CMSS1: variants seen among roughly 807,000 people sequenced by gnomAD.
CMSS1 encodes the protein protein CMSS1.
Under a neutral mutation model 43.5 loss-of-function variants are expected in CMSS1, and 33 were observed. The ratio of observed to expected loss-of-function variants is 0.76; its 90% CI spans 0.57 to 1.01. CMSS1 has a LOEUF of 1.01. Ranked by LOEUF, CMSS1 falls within the 50% of genes least tolerant of loss-of-function variation. CMSS1 has a pLI of 0.00. For missense variants in CMSS1, 313 were observed against 326.4 expected (o/e 0.96, Z 0.32); for synonymous variants, 115 against 117.2 (o/e 0.98, Z 0.12).
chr3:99,979,274 C>T (rs979631892), intron 1 of CMSS1, among the ~76,000 whole-genome samples: 1 of 152,100 alleles, frequency 6.6e-6, no homozygotes, highest in African/African-American at 2.4e-5. Context: ...TGAGACTCTA[C>T]CTAAAATTTT....
chr3:99,945,212 A>G (rs1354740101), intron 1 of CMSS1, among the ~76,000 whole-genome samples: 3 of 152,144 alleles, frequency 2.0e-5, no homozygotes, highest in African/African-American at 7.2e-5. Context: ...GTTTCTTCTC[A>G]TGTCTTCCTC....
intron 1 of CMSS1, among the ~76,000 whole-genome samples, chr3:99,976,850 T>C (rs1708987077): frequency 6.6e-6 from 1 of 152,168 alleles, no homozygotes; most frequent in Admixed American, 6.5e-5. Flanking sequence ...TGTTCTTTCC[T>C]CCTGTTCAGT....
intron 1 of CMSS1, among the ~76,000 whole-genome samples, chr3:100,101,033 A>G (rs1003387907): frequency 2.0e-5 from 3 of 152,282 alleles, no homozygotes; most frequent in Middle Eastern, 3.4e-3. Context: ...GTAGGATAGC[A>G]GCCTTCAGAT....
At chr3:100,029,950 T>G (rs1273349122) in intron 1 of CMSS1, among the ~76,000 whole-genome samples, 1 of 152,174 alleles carries the variant, frequency 6.6e-6, no homozygotes, top group Non-Finnish European at 1.5e-5. Flanking sequence ...AGGTGTGACA[T>G]GAGTGAGGAC....
intron 1 of CMSS1, among the ~76,000 whole-genome samples, chr3:100,078,605 T>A (rs560861133): frequency 1.3e-5 from 2 of 151,694 alleles, no homozygotes; most frequent in South Asian, 2.1e-4. Flanking sequence ...AAAAAAAAAA[T>A]TGGCCTGGCA....
intron 1 of CMSS1, among the ~76,000 whole-genome samples, chr3:100,071,116 G>A: frequency 1.4e-5 from 1 of 70,042 alleles, no homozygotes; most frequent in East Asian, 4.0e-4. Context: ...TTTTTTGGAT[G>A]GATTAGCATT....
At position 100,180,015 on chromosome 3, in the gene CMSS1, C is replaced by T. The variant is rs1280078601; in HGVS notation, c.*1627C>T. ...AAGCTGCCAAGGCTTGGGGCTTGCA[C>T]CCTCTGAAGCAATGGTTCAGCTGTA... On this transcript the variant is annotated 3_prime_UTR_variant, in exon 10 of 10. Transcript: ENST00000421999. The T allele has an allele frequency of 2.0e-5, 3 of 152,356 alleles. No individual in the cohort carries two copies. Among genetic ancestry groups the T allele is most frequent in the Admixed American group, 6.5e-5 (1 of 15,292 alleles). The allele number at this position is 152,356 out of a possible 1,614,324, so 9.4% of individuals were successfully genotyped here.
intron 1 of CMSS1, among the ~76,000 whole-genome samples, chr3:100,087,593 G>C (rs2066032768): frequency 6.6e-6 from 1 of 151,834 alleles, no homozygotes; most frequent in Non-Finnish European, 1.5e-5. Context: ...TCTTATTATT[G>C]AGTTTTGAGA....
In CMSS1 at chr3:99,821,877, C is replaced by T. The variant is rs980163223; in HGVS notation, c.64+3834C>T. Among the ~76,000 whole-genome samples the T allele has an allele frequency of 2.6e-5, 4 of 152,184 alleles. No individual in the cohort carries two copies. In the South Asian group the frequency reaches 6.2e-4, roughly 24 times the overall value. On this transcript the variant is annotated intron_variant, in intron 1 of 9. Transcript: ENST00000421999. The stretch of plus-strand genomic sequence containing the variant: ...CCTGGCCAACATGGAGAAAACCTGT[C>T]TCTACTAAAAAGACAAAAATTAGCC...
chr3:99,887,121 A>G (rs1271989124), intron 1 of CMSS1, among the ~76,000 whole-genome samples: 1 of 151,652 alleles, frequency 6.6e-6, no homozygotes, highest in African/African-American at 2.4e-5. Context: ...AAAATACAAA[A>G]TTAGCCGGGC....
At chr3:100,083,662 T>A in intron 1 of CMSS1, among the ~76,000 whole-genome samples, 1 of 152,272 alleles carries the variant, frequency 6.6e-6, no homozygotes. Context: ...TCATATTTTT[T>A]AAAGTGTTAG....
At chr3:99,849,643 T>C in intron 1 of CMSS1, 1 of 1,613,482 alleles carries the variant, frequency 6.2e-7, no homozygotes, top group Non-Finnish European at 8.5e-7. Context: ...TTTAACATGT[T>C]CTAGCTCTTT....
intron 1 of CMSS1, among the ~76,000 whole-genome samples, chr3:100,089,209 C>A (rs2066062903): frequency 6.6e-6 from 1 of 152,170 alleles, no homozygotes; most frequent in Non-Finnish European, 1.5e-5. Flanking sequence ...TTTTCAGTGG[C>A]TTAAAGATAT....
At chr3:100,117,751 T>C (rs1559763203) in intron 1 of CMSS1, among the ~76,000 whole-genome samples, 1 of 138,300 alleles carries the variant, frequency 7.2e-6, no homozygotes, top group Non-Finnish European at 1.6e-5. Context: ...ACAGATACAC[T>C]TTTTTTTTTT....
At chr3:100,093,503 A>G (rs2066149350) in intron 1 of CMSS1, among the ~76,000 whole-genome samples, 1 of 152,160 alleles carries the variant, frequency 6.6e-6, no homozygotes, top group Admixed American at 6.5e-5. Flanking sequence ...CTTTGAGATA[A>G]TTGTGATTCA....
chr3:99,868,483 G>A (rs1423394358), intron 1 of CMSS1, among the ~76,000 whole-genome samples: 1 of 152,180 alleles, frequency 6.6e-6, no homozygotes, highest in South Asian at 2.1e-4. Flanking sequence ...GGATAGACTA[G>A]CATAACCAGA....
intron 1 of CMSS1, among the ~76,000 whole-genome samples, chr3:100,062,148 G>T (rs1188565088): frequency 2.9e-5 from 3 of 103,682 alleles, no homozygotes; most frequent in African/African-American, 3.9e-5. Context: ...GTGTTGCTCT[G>T]TCCCCCAGGC....
chr3:100,058,407 A>G (rs2065502392), intron 1 of CMSS1, among the ~76,000 whole-genome samples: 1 of 152,222 alleles, frequency 6.6e-6, no homozygotes, highest in South Asian at 2.1e-4. Flanking sequence ...ATCACCTCTG[A>G]AGGCAGGCAG....
intron 1 of CMSS1, among the ~76,000 whole-genome samples, chr3:100,068,162 C>A (rs1245646261): frequency 6.6e-6 from 1 of 152,174 alleles, no homozygotes; most frequent in Non-Finnish European, 1.5e-5. Flanking sequence ...AAAGAAATAC[C>A]ATTGTTTGCA....
Sources: allele counts gnomAD v4.1 joint callset (sites outside exome capture counted in the v4.1 genomes callset), GRCh38; gene constraint gnomAD v4.1.1; transcripts MANE v1.5; gene names NCBI Gene and HGNC (gene_info 2026-07-23, HGNC 2026-07-21).